Variants in CPNE5 observed in about 807,000 individuals in gnomAD.
CPNE5 encodes the protein copine 5, also known as copine-5.
A neutral mutation model predicts 81.1 loss-of-function variants in CPNE5; 42 were observed. The ratio of observed to expected loss-of-function variants is 0.52; its 90% CI spans 0.40 to 0.67. CPNE5 has a LOEUF of 0.67. CPNE5 is among the 30% of genes least tolerant of loss of function. The probability of loss-of-function intolerance (pLI) is 0.00; values close to 1 mark genes in which losing one functional copy is unlikely to be tolerated. For missense variants in CPNE5, 612 were observed against 815.5 expected, an observed-to-expected ratio of 0.75 and a Z score of 3.04; for synonymous variants, 313 against 321.5, an observed-to-expected ratio of 0.97 and a Z score of 0.28.
intron 20 of CPNE5, chr6:36,743,219 G>C: frequency 1.0e-6 from 1 of 985,430 alleles, no homozygotes; most frequent in Non-Finnish European, 1.2e-6. Flanking sequence ...TCTTCCACGT[G>C]AGACTGCATG....
intron 12 of CPNE5, among the ~76,000 whole-genome samples, chr6:36,757,717 G>C (rs1242985687): frequency 6.6e-6 from 1 of 152,228 alleles, no homozygotes. Context: ...AGGGGAGTTA[G>C]AGGAAGGAAA....
chr6:36,745,391 G>T lies in CPNE5; in HGVS notation c.1325C>A (p.Ala442Asp). Residue 442 changes from alanine (A) to aspartate (D), a missense_variant, in exon 17 of 21, where the codon GCC becomes GAC. Ala to Asp is a moderately radical substitution (Grantham distance 126, BLOSUM62 -2). Coordinates refer to ENST00000244751, the MANE Select transcript of CPNE5 (RefSeq NM_020939.2). ...AGGCGGTGGCAGCGGCACTCACCTG[G>T]CCACGTGGGTGACCACGGGGGCAAA... is the stretch of plus-strand genomic sequence containing the variant. ...TNFAPVVTHV[A>D]RNAAAVQDGS... 1.2e-6 allele frequency: 2 copies of T among 1,605,980 alleles called. No homozygotes were observed. The highest frequency in any genetic ancestry group is 1.7e-6 in the Non-Finnish European group (2 of 1,177,088).
At position 36,746,592 on chromosome 6, in the gene CPNE5, A is replaced by C; in HGVS notation, c.1019-15T>G. On this transcript the variant is annotated splice_polypyrimidine_tract_variant and intron_variant, in intron 15 of 20. Coordinates refer to ENST00000244751, the MANE Select transcript of CPNE5 (RefSeq NM_020939.2). This position sits in a 1 kb window ranked among gnomAD's most constrained non-coding sequence, Gnocchi z 4.5. ...TGAGGGGTTCCCTGTAACACAGGAC[A>C]TGGGAGCCTTTGACCATCTGGACCC... is the stretch of plus-strand genomic sequence containing the variant. 1 of 1,604,550 alleles carries C rather than the reference A, an allele frequency of 6.2e-7. No homozygotes were observed. Among genetic ancestry groups the C allele is most frequent in the Non-Finnish European group, 8.5e-7 (1 of 1,176,456 alleles).
chr6:36,755,968 C>T, intron 13 of CPNE5: 2 of 493,896 alleles, frequency 4.0e-6, no homozygotes, highest in East Asian at 7.2e-5. Context: ...ATAAATACGA[C>T]TTCTCTTCCT....
intron 8 of CPNE5, among the ~76,000 whole-genome samples, chr6:36,782,295 TA>T (rs759534301): frequency 6.6e-6 from 1 of 152,092 alleles, no homozygotes; most frequent in East Asian, 1.9e-4. Context: ...TGGTTGACTA[TA>T]AAATGCATAC....
At chr6:36,834,559 G>T (rs1773294591) in intron 1 of CPNE5, among the ~76,000 whole-genome samples, 1 of 151,948 alleles carries the variant, frequency 6.6e-6, no homozygotes, top group African/African-American at 2.4e-5. Context: ...AAGAGGCTGA[G>T]GCAGGAGAAT....
chr6:36,783,195 G>C (rs768258584), intron 8 of CPNE5, among the ~76,000 whole-genome samples: 7 of 152,038 alleles, frequency 4.6e-5, no homozygotes, highest in Non-Finnish European at 1.0e-4. Flanking sequence ...ACACAGAGGG[G>C]AACAACACAC....
intron 3 of CPNE5, among the ~76,000 whole-genome samples, chr6:36,811,039 G>C (rs918906143): frequency 6.6e-6 from 1 of 152,186 alleles, no homozygotes; most frequent in Non-Finnish European, 1.5e-5. Context: ...TTCCTAATTA[G>C]CCATTGTTTC....
At chr6:36,750,436 C>T (rs1764682936) in intron 14 of CPNE5, among the ~76,000 whole-genome samples, 1 of 152,188 alleles carries the variant, frequency 6.6e-6, no homozygotes, top group Non-Finnish European at 1.5e-5. Context: ...TCTTTCTCCT[C>T]TTCTGCTGGC....
At chr6:36,814,756 A>T (rs1771386003) in intron 3 of CPNE5, among the ~76,000 whole-genome samples, 1 of 152,180 alleles carries the variant, frequency 6.6e-6, no homozygotes, top group South Asian at 2.1e-4. Flanking sequence ...GACAGAAAAC[A>T]GTGATATGAA....
chr6:36,786,174 CT>C (rs1451293514), intron 8 of CPNE5, among the ~76,000 whole-genome samples: 2 of 152,136 alleles, frequency 1.3e-5, no homozygotes, highest in Non-Finnish European at 2.9e-5. Flanking sequence ...GGAATCAGCA[CT>C]CCAGTAGGAG....
chr6:36,763,602 CAAA>C lies in CPNE5; in HGVS notation c.780-613_780-611del, dbSNP rs55880019. On this transcript the variant is annotated intron_variant, in intron 11 of 20. Transcript: ENST00000244751. The stretch of plus-strand genomic sequence containing the variant: ...TGGGCAACAGAGCGAGACTCTATCT[CAAA>C]AAAAAAAAAAAAAAAAGAATATTGT... Among the ~76,000 whole-genome samples, 748 of 123,100 alleles carry C rather than the reference CAAA, an allele frequency of 6.1e-3. 2 individuals carry two copies. The highest frequency in any genetic ancestry group is 0.012 in the African/African-American group (400 of 32,128). 80.8% of individuals were successfully genotyped at this position (123,100 alleles called of 152,430 possible). A position where few individuals can be genotyped will look rare whatever the true frequency, so the allele number is the denominator to read the frequency against.
chr6:36,745,870 A>T (rs1764099117), intron 16 of CPNE5, among the ~76,000 whole-genome samples: 1 of 152,122 alleles, frequency 6.6e-6, no homozygotes, highest in Non-Finnish European at 1.5e-5. Context: ...CCACGTGCAC[A>T]CTGGGCCCAG....
chr6:36,839,244 A>G lies in CPNE5; in HGVS notation c.95+39T>C. 6.9e-7 allele frequency: 1 copy of G among 1,439,058 alleles called. No individual in the cohort carries two copies. The highest frequency in any genetic ancestry group is 9.4e-7 in the Non-Finnish European group (1 of 1,064,386). 89.1% of individuals were successfully genotyped at this position (1,439,058 alleles called of 1,614,324 possible). A position where few individuals can be genotyped will look rare whatever the true frequency, so the allele number is the denominator to read the frequency against. ...GCAGGGGCCGCGGGGCTCTGCGTCC[A>G]GGGCCGGGGCAAGGGGACCCGGCCA... On this transcript the variant is annotated intron_variant, in intron 1 of 20. Coordinates refer to ENST00000244751, the MANE Select transcript of CPNE5 (RefSeq NM_020939.2). This position sits in a 1 kb window ranked among gnomAD's most constrained non-coding sequence, Gnocchi z 7.3.
chr6:36,827,101 G>A (rs773738574), intron 1 of CPNE5, among the ~76,000 whole-genome samples: 15 of 152,004 alleles, frequency 9.9e-5, no homozygotes, highest in Non-Finnish European at 2.1e-4. Flanking sequence ...GAAGAAGCCC[G>A]CCCCCAACAC....
intron 6 of CPNE5, among the ~76,000 whole-genome samples, chr6:36,797,246 G>A (rs2150521754): frequency 6.6e-6 from 1 of 152,372 alleles, no homozygotes. Context: ...ACAGCGTCCA[G>A]TGGGAACTTG....
intron 7 of CPNE5, 53 bp downstream of exon 7, chr6:36,794,537 A>T: frequency 6.5e-7 from 1 of 1,549,750 alleles, no homozygotes; most frequent in African/African-American, 1.4e-5. Context: ...CCCCCTTTGC[A>T]GAGCTGGCTG....
intron 3 of CPNE5, among the ~76,000 whole-genome samples, chr6:36,820,489 G>A (rs1418947175): frequency 1.3e-5 from 2 of 151,666 alleles, no homozygotes; most frequent in Admixed American, 6.6e-5. Context: ...CTACAGGCAC[G>A]CACCACCACG....
chr6:36,839,927 G>A (rs1001409905), upstream of CPNE5: 1 of 151,520 alleles, frequency 6.6e-6, no homozygotes, highest in Non-Finnish European at 1.5e-5. This position sits in a 1 kb window ranked among gnomAD's most constrained non-coding sequence, Gnocchi z 7.3. Context: ...GGGCTGAGAC[G>A]CGGCTGCGAG....
Sources: gnomAD v4.1 joint callset for allele counts (sites outside exome capture counted in the v4.1 genomes callset) on GRCh38, gnomAD v4.1.1 for gene constraint, Gnocchi (gnomAD v3.1) non-coding constraint, MANE v1.5 for transcripts, NCBI Gene and HGNC (gene_info 2026-07-23, HGNC 2026-07-21) for gene names.